Variants in THBS2 observed in about 807,000 individuals in gnomAD.
THBS2 encodes thrombospondin 2, also known as thrombospondin-2.
THBS2 carries 47 observed loss-of-function variants against 135.2 expected under a neutral mutation model. That is an observed-to-expected ratio of 0.35 (90% CI 0.28 to 0.44). The LOEUF is 0.44. Ranked by LOEUF, THBS2 falls within the 20% of genes least tolerant of loss-of-function variation. The probability of loss-of-function intolerance (pLI) is 1.00; values close to 1 mark genes in which losing one functional copy is unlikely to be tolerated. For missense variants in THBS2, 1,288 were observed against 1,603.1 expected (o/e 0.80, Z 3.36); for synonymous variants, 639 against 633.8 (o/e 1.01, Z -0.12).
chr6:169,218,770 T>G (rs1583402041), intron 21 of THBS2, among the ~76,000 whole-genome samples: 7 of 105,564 alleles, frequency 6.6e-5, no homozygotes, highest in African/African-American at 1.2e-4. Flanking sequence ...GGTGGGTGGG[T>G]GGATGGAGGG....
intron 7 of THBS2, chr6:169,239,362 G>C (rs1239746484): frequency 3.6e-6 from 2 of 548,516 alleles, no homozygotes; most frequent in Non-Finnish European, 6.5e-6. Flanking sequence ...CCTCGTCTGA[G>C]AAGCATCAGG....
chr6:169,242,879 A>ACATTC (rs1780392635), intron 4 of THBS2, among the ~76,000 whole-genome samples: 1 of 24,746 alleles, frequency 4.0e-5, no homozygotes, highest in Non-Finnish European at 7.3e-5. Flanking sequence ...CCACCTTCCC[A>ACATTC]CCACTCCCAC....
intron 20 of THBS2, 96 bp downstream of exon 20, chr6:169,221,334 A>G: frequency 9.0e-7 from 1 of 1,106,274 alleles, no homozygotes. Context: ...ACAAAAAGTT[A>G]GAATTCACTT....
At chr6:169,238,740 G>A (rs1243645415) in intron 7 of THBS2, among the ~76,000 whole-genome samples, 1 of 152,252 alleles carries the variant, frequency 6.6e-6, no homozygotes, top group African/African-American at 2.4e-5. Flanking sequence ...CGTGAGCTCT[G>A]AGTCCCTTCA....
At chr6:169,231,868 C>T (rs1303413253) in intron 13 of THBS2, 112 bp downstream of exon 13, 13 of 976,748 alleles carry the variant, frequency 1.3e-5, no homozygotes, top group Non-Finnish European at 1.5e-5. Context: ...CTGAGAGACC[C>T]TCCTTCCAAA....
intron 3 of THBS2, among the ~76,000 whole-genome samples, chr6:169,247,550 TG>T (rs1780593960): frequency 6.6e-6 from 1 of 152,082 alleles, no homozygotes; most frequent in Admixed American, 6.6e-5. Flanking sequence ...AGTGTATGTA[TG>T]GTGTTTGTGT....
intron 1 of THBS2, among the ~76,000 whole-genome samples, chr6:169,251,375 A>T (rs1583423924): frequency 6.6e-6 from 1 of 152,386 alleles, no homozygotes; most frequent in East Asian, 1.9e-4. Flanking sequence ...AAACAACAGA[A>T]CACTTGACTT....
chr6:169,236,300 ACAGT>A (rs1457441935), intron 9 of THBS2, among the ~76,000 whole-genome samples: 8 of 80,080 alleles, frequency 1.0e-4, no homozygotes, highest in Non-Finnish European at 1.2e-4. Context: ...ATTCCCATCC[ACAGT>A]CACTCCCCAT....
intron 16 of THBS2, 52 bp from the exon 17 acceptor site, chr6:169,225,431 T>C: frequency 6.6e-7 from 1 of 1,517,860 alleles, no homozygotes; most frequent in Non-Finnish European, 8.9e-7. Flanking sequence ...TTTGAGGAGG[T>C]GGAGAGGAAC....
intron 4 of THBS2, chr6:169,245,955 T>C (rs989695704): frequency 2.7e-6 from 1 of 366,654 alleles, no homozygotes. Flanking sequence ...TATAATAAAA[T>C]TATTTGGATG....
At position 169,248,394 on chromosome 6, in the gene THBS2, G is replaced by A. The variant is rs762174530; in HGVS notation, c.609+23C>T. On this transcript the variant is annotated intron_variant, in intron 3 of 21. Transcript: ENST00000617924. ...GCTAAGCTCTTTCCTCCCTCACGGC[G>A]GCCACCTCCCTGCAGAGCGTACCCT... 51 of 1,578,724 alleles carry A rather than the reference G, an allele frequency of 3.2e-5. No homozygotes were observed. The Admixed American group carries it at 3.6e-4, about 11-fold the overall frequency.
intron 18 of THBS2, 66 bp from the exon 19 acceptor site, chr6:169,222,534 C>T (rs1472624400): frequency 4.5e-6 from 7 of 1,545,916 alleles, no homozygotes; most frequent in Admixed American, 1.8e-5. Flanking sequence ...GTGACTCATG[C>T]CTGTAATCCC....
At position 169,232,752 on chromosome 6, in the gene THBS2, G is replaced by A. The variant is rs555199606; in HGVS notation, c.1844C>T (p.Pro615Leu). Residue 615 changes from proline to leucine, a missense_variant, in exon 12 of 22, where the codon CCT (proline) becomes CTT (leucine). Around this residue, in one of 2 missense-constraint regions of THBS2, gnomAD observed 874 missense variants for 1,156.1 expected, o/e 0.76. Transcript: ENST00000617924. ...CGGGCAGGGCAGGCAGTGGAAGCCAGGCTGAGTGTTGACACAGCGAGGCAC... is the reference window on the plus strand; with the variant it reads ...CGGGCAGGGCAGGCAGTGGAAGCCAAGCTGAGTGTTGACACAGCGAGGCAC... ...SKVPRCVNTQ[P>L]GFHCLPCPPR... 2 of 1,614,078 alleles carry A rather than the reference G, an allele frequency of 1.2e-6. No individual in the cohort carries two copies. Among genetic ancestry groups the A allele is most frequent in the East Asian group, 2.2e-5 (1 of 44,884 alleles).
chr6:169,239,549 C>G, intron 7 of THBS2, 50 bp downstream of exon 7: 3 of 1,494,466 alleles, frequency 2.0e-6, no homozygotes, highest in South Asian at 1.2e-5. Context: ...AACAAACAAG[C>G]ATGGAATTCC....
chr6:169,225,391 G>T lies in THBS2; in HGVS notation c.2539-12C>A, dbSNP rs1005709418. The stretch of plus-strand genomic sequence containing the variant: ...TTGTCCACGTCGGTCTAGGGGATGG[G>T]GCGTGAGAGAAACAGCAGAGGACTG... On this transcript the variant is annotated splice_polypyrimidine_tract_variant and intron_variant, in intron 16 of 21. Coordinates refer to ENST00000617924, the MANE Select transcript of THBS2 (RefSeq NM_003247.5). 2.6e-6 allele frequency: 4 copies of T among 1,552,302 alleles called. No individual in the cohort carries two copies. The highest frequency in any genetic ancestry group is 1.7e-4 in the Middle Eastern group (1 of 5,996).
intron 21 of THBS2, among the ~76,000 whole-genome samples, chr6:169,219,023 G>A (rs1779312420): frequency 7.5e-6 from 1 of 133,588 alleles, no homozygotes; most frequent in South Asian, 2.4e-4. Flanking sequence ...TGAGATGAGT[G>A]GATGGATGGA....
intron 4 of THBS2, among the ~76,000 whole-genome samples, chr6:169,244,936 C>T (rs932031034): frequency 5.3e-5 from 8 of 152,202 alleles, no homozygotes; most frequent in Non-Finnish European, 8.8e-5. Flanking sequence ...CACAAGGACC[C>T]GGACCTGCAA....
intron 21 of THBS2, among the ~76,000 whole-genome samples, chr6:169,218,455 TG>T (rs1385873996): frequency 1.0e-5 from 1 of 95,434 alleles, no homozygotes; most frequent in Non-Finnish European, 2.0e-5. Context: ...GTGGCTGAGA[TG>T]GATGGATGGG....
chr6:169,228,400 C>T, intron 14 of THBS2, 119 bp from the exon 15 acceptor site: 1 of 1,307,194 alleles, frequency 7.6e-7, no homozygotes, highest in South Asian at 1.4e-5. Flanking sequence ...ATCAAACAAA[C>T]ACAAAAGCCA....
Sources: allele counts gnomAD v4.1 joint callset (sites outside exome capture counted in the v4.1 genomes callset), GRCh38; gene constraint gnomAD v4.1.1; regional missense constraint gnomAD v4.1.1; transcripts MANE v1.5; gene names NCBI Gene and HGNC (gene_info 2026-07-23, HGNC 2026-07-21).